EGLN1: variants seen among roughly 807,000 people sequenced by gnomAD.
EGLN1 encodes egl nine homolog 1.
EGLN1 carries 17 observed loss-of-function variants against 38.3 expected under a neutral mutation model. That is an observed-to-expected ratio of 0.44 (90% CI 0.30 to 0.67). The LOEUF (loss-of-function observed/expected upper bound fraction) is 0.67. EGLN1 is among the 30% of genes least tolerant of loss of function. The probability of loss-of-function intolerance (pLI) is 0.08; values close to 1 mark genes in which losing one functional copy is unlikely to be tolerated. For missense variants in EGLN1, 477 were observed against 603.3 expected (o/e 0.79, Z 2.19); for synonymous variants, 283 against 257.5 (o/e 1.10, Z -0.95).
intron 4 of EGLN1, 79 bp downstream of exon 4, chr1:231,367,490 A>G: frequency 7.3e-7 from 1 of 1,377,868 alleles, no homozygotes; most frequent in Non-Finnish European, 1.0e-6. Flanking sequence ...AACAAAGACT[A>G]TGCTTGAGTT....
intron 1 of EGLN1, among the ~76,000 whole-genome samples, chr1:231,408,547 GA>G (rs771996223): frequency 9.9e-5 from 15 of 151,972 alleles, no homozygotes; most frequent in African/African-American, 3.1e-4. Context: ...GAATTAAGGG[GA>G]AAAAAAGTGT....
intron 1 of EGLN1, among the ~76,000 whole-genome samples, chr1:231,374,467 T>C (rs1687906534): frequency 6.6e-6 from 1 of 152,122 alleles, no homozygotes; most frequent in South Asian, 2.1e-4. Context: ...TACCATCTGA[T>C]AGGTGAACCA....
In EGLN1 at chr1:231,416,167, A is replaced by AT. The variant is rs979881207; in HGVS notation, c.891+4830dup. Among the ~76,000 whole-genome samples, 395 of 149,566 alleles carry AT rather than the reference A, an allele frequency of 2.6e-3. 4 individuals carry two copies. The highest frequency in any genetic ancestry group is 8.9e-3 in the African/African-American group (365 of 40,830). On this transcript the variant is annotated intron_variant, in intron 1 of 4. Transcript: ENST00000366641. ...CACCTGGCCCCTTTCTTTCTTAATA[A>AT]TTTTTTTTTTAATAGAGATGAGGTA...
At position 231,421,773 on chromosome 1, in the gene EGLN1, G is replaced by C; in HGVS notation, c.116C>G (p.Ser39Cys). Residue 39 changes from serine (S) to cysteine (C), a missense_variant, in exon 1 of 5, where the codon TCC (serine) becomes TGC (cysteine). Physicochemically the swap from Ser to Cys is moderately radical, Grantham distance 112. Coordinates refer to ENST00000366641, the MANE Select transcript of EGLN1 (RefSeq NM_022051.3). This position sits in a 1 kb window ranked among gnomAD's most constrained non-coding sequence, Gnocchi z 5.5. ...CTGGTGCTCCTTGCAGCAGTAGAAG[G>C]AGCTGCGGCAGCGGCTGCAGCGCAG... is the stretch of plus-strand genomic sequence containing the variant. ...NLLRCSRCRS[S>C]FYCCKEHQRQ... 1 of 1,557,614 alleles carries C rather than the reference G, an allele frequency of 6.4e-7. No homozygotes were observed. Among genetic ancestry groups the C allele is most frequent in the Non-Finnish European group, 8.6e-7 (1 of 1,161,518 alleles).
In EGLN1 at chr1:231,391,092, T is replaced by TTGTGTGTGTGTG. The variant is rs763284659; in HGVS notation, c.892-17005_892-16994dup. 1.3e-4 allele frequency among the ~76,000 whole-genome samples: 9 copies of TTGTGTGTGTGTG among 67,364 alleles called. 1 individual carries two copies. Among genetic ancestry groups the TTGTGTGTGTGTG allele is most frequent in the African/African-American group, 2.8e-4 (6 of 21,062 alleles). 44.2% of individuals were successfully genotyped at this position (67,364 alleles called of 152,430 possible). On this transcript the variant is annotated intron_variant, in intron 1 of 4. Transcript: ENST00000366641. ...ACAGGGAACTCATTCTGTTTTTTTT[T>TTGTGTGTGTGTG]TGTGTGTGTGTGTGTGTGTGTGTGT...
In EGLN1 at chr1:231,421,749, T is replaced by G; in HGVS notation, c.140A>C (p.Gln47Pro). ...RSSFYCCKEHQRQDWKKHKLV... is the reference protein window; with the variant it reads ...RSSFYCCKEHPRQDWKKHKLV... ...CTTGTGCTTCTTCCAGTCCTGACGC[T>G]GGTGCTCCTTGCAGCAGTAGAAGGA... Residue 47 changes from glutamine to proline, a missense_variant, in exon 1 of 5, where the codon CAG becomes CCG. Physicochemically the swap from Gln to Pro is moderately conservative, Grantham distance 76. Around this residue, in one of 4 missense-constraint regions of EGLN1, gnomAD observed 298 missense variants for 288.9 expected, o/e 1.03. Transcript: ENST00000366641. This position sits in a 1 kb window ranked among gnomAD's most constrained non-coding sequence, Gnocchi z 5.5. The G allele has an allele frequency of 6.5e-7, 1 of 1,549,644 alleles. No individual in the cohort carries two copies. The highest frequency in any genetic ancestry group is 8.6e-7 in the Non-Finnish European group (1 of 1,156,794).
intron 1 of EGLN1, among the ~76,000 whole-genome samples, chr1:231,415,439 A>C (rs1433305013): frequency 6.7e-6 from 1 of 149,596 alleles, no homozygotes; most frequent in African/African-American, 2.5e-5. Flanking sequence ...AAAAAATGTT[A>C]TTTCTTCTCT....
chr1:231,411,209 A>G (rs1688934217), intron 1 of EGLN1, among the ~76,000 whole-genome samples: 1 of 152,148 alleles, frequency 6.6e-6, no homozygotes, highest in Non-Finnish European at 1.5e-5. Flanking sequence ...TGCTGTTCTC[A>G]TGATAGTGAG....
intron 1 of EGLN1, among the ~76,000 whole-genome samples, chr1:231,418,540 T>G (rs1656421049): frequency 6.6e-6 from 1 of 152,010 alleles, no homozygotes; most frequent in Non-Finnish European, 1.5e-5. Flanking sequence ...CAAATGTAAA[T>G]TAGGAATAAC....
At chr1:231,408,333 A>T (rs140744270) in intron 1 of EGLN1, among the ~76,000 whole-genome samples, 377 of 152,278 alleles carry the variant, frequency 2.5e-3, no homozygotes, top group Non-Finnish European at 4.1e-3. Flanking sequence ...GCAGGAAAAC[A>T]GTCTGGCTGA....
At chr1:231,415,008 A>G (rs1689040582) in intron 1 of EGLN1, among the ~76,000 whole-genome samples, 1 of 152,100 alleles carries the variant, frequency 6.6e-6, no homozygotes, top group Non-Finnish European at 1.5e-5. Flanking sequence ...TGCTAGGATT[A>G]CAGGCATGAG....
chr1:231,376,117 C>T (rs1380745770), intron 1 of EGLN1, among the ~76,000 whole-genome samples: 1 of 152,218 alleles, frequency 6.6e-6, no homozygotes, highest in Non-Finnish European at 1.5e-5. Flanking sequence ...GTCCCTTGCA[C>T]TCATTTACAT....
rs562736932 is a variant in EGLN1 at position 231,364,662 on chromosome 1, G to A, written c.*1749C>T. The stretch of plus-strand genomic sequence containing the variant: ...TGGCAATCTTTTAATAAAAATTACT[G>A]AGCTTCCCATAGAAAAGGTCTCAAA... On this transcript the variant is annotated 3_prime_UTR_variant, in exon 5 of 5. Coordinates refer to ENST00000366641, the MANE Select transcript of EGLN1 (RefSeq NM_022051.3). 3.9e-5 allele frequency: 6 copies of A among 152,214 alleles called. No individual in the cohort carries two copies. The South Asian group carries it at 1.0e-3, about 26-fold the overall frequency. 9.4% of individuals were successfully genotyped at this position (152,214 alleles called of 1,614,324 possible).
At chr1:231,370,944 CAGTG>C (rs1316919054) in intron 2 of EGLN1, among the ~76,000 whole-genome samples, 1 of 152,172 alleles carries the variant, frequency 6.6e-6, no homozygotes, top group Non-Finnish European at 1.5e-5. Context: ...GGCTGGAGTG[CAGTG>C]GCACAATCTC....
chr1:231,416,606 T>A (rs371324779), intron 1 of EGLN1, among the ~76,000 whole-genome samples: 3 of 152,130 alleles, frequency 2.0e-5, no homozygotes, highest in African/African-American at 7.2e-5. Flanking sequence ...GCTCAAGCGA[T>A]CCTCCTGCCT....
chr1:231,383,584 C>T (rs552623797), intron 1 of EGLN1, among the ~76,000 whole-genome samples: 14 of 152,208 alleles, frequency 9.2e-5, no homozygotes, highest in Admixed American at 7.2e-4. Context: ...AGAATATTTG[C>T]AAAAACAGAA....
At chr1:231,416,300 G>A (rs915572960) in intron 1 of EGLN1, among the ~76,000 whole-genome samples, 6 of 151,838 alleles carry the variant, frequency 4.0e-5, no homozygotes, top group African/African-American at 7.3e-5. Context: ...CATCTGGCCC[G>A]GAATCCATTA....
In EGLN1 at chr1:231,373,997, T is replaced by C; in HGVS notation, c.994A>G (p.Lys332Glu). 2 of 1,613,858 alleles carry C rather than the reference T, an allele frequency of 1.2e-6. No homozygotes were observed. Among genetic ancestry groups the C allele is most frequent in the Non-Finnish European group, 1.7e-6 (2 of 1,179,842 alleles). Residue 332 changes from lysine (K) to glutamate (E), a missense_variant, in exon 2 of 5, where the codon AAA (lysine) becomes GAA (glutamate). Lys to Glu is a moderately conservative substitution (Grantham distance 56, BLOSUM62 1). Around this residue, in one of 4 missense-constraint regions of EGLN1, gnomAD observed 59 missense variants for 119.0 expected, o/e 0.50. Coordinates refer to ENST00000366641, the MANE Select transcript of EGLN1 (RefSeq NM_022051.3). Reference sequence around the variant, plus strand: ...TTGCATACCTTGGCATCCCAGTCTTTATTAAGATAATATATACATGTCACA... The same window carrying C: ...TTGCATACCTTGGCATCCCAGTCTTCATTAAGATAATATATACATGTCACA... ...RCVTCIYYLN[K>E]DWDAKVSGGI...
At chr1:231,398,672 A>G (rs938500037) in intron 1 of EGLN1, among the ~76,000 whole-genome samples, 1 of 152,202 alleles carries the variant, frequency 6.6e-6, no homozygotes, top group Non-Finnish European at 1.5e-5. Context: ...ATCTGATAAG[A>G]GAGAAAGATG....
Sources: gnomAD v4.1 joint callset for allele counts (sites outside exome capture counted in the v4.1 genomes callset) on GRCh38, gnomAD v4.1.1 for gene constraint, gnomAD v4.1.1 regional missense constraint, Gnocchi (gnomAD v3.1) non-coding constraint, MANE v1.5 for transcripts, NCBI Gene and HGNC (gene_info 2026-07-23, HGNC 2026-07-21) for gene names.